Variants in TSPEAR observed in about 807,000 individuals in gnomAD.
The protein encoded by TSPEAR is thrombospondin type laminin G domain and EAR repeats.
A neutral mutation model predicts 71.6 loss-of-function variants in TSPEAR; 69 were observed. The observed-to-expected ratio is 0.96, with a 90% CI of 0.79 to 1.18. The LOEUF (loss-of-function observed/expected upper bound fraction) is 1.18. TSPEAR is among the 50% of genes most tolerant of loss of function. TSPEAR has a pLI of 0.00. For synonymous variants in TSPEAR, 402 were observed against 387.2 expected (o/e 1.04, Z -0.45); for missense variants, 971 against 894.9 (o/e 1.09, Z -1.09).
intron 1 of TSPEAR, among the ~76,000 whole-genome samples, chr21:44,665,316 G>A (rs767590841): frequency 8.0e-4 from 122 of 152,212 alleles, no homozygotes; most frequent in Non-Finnish European, 1.5e-3. Flanking sequence ...ACAGTTCTGG[G>A]CTATGCTATC....
chr21:44,512,774 C>T (rs942124720), intron 9 of TSPEAR, among the ~76,000 whole-genome samples: 9 of 151,318 alleles, frequency 5.9e-5, no homozygotes, highest in Admixed American at 3.9e-4. Context: ...AGGAAGAGCA[C>T]GTGTCAGCTG....
intron 1 of TSPEAR, among the ~76,000 whole-genome samples, chr21:44,650,070 T>C (rs1159555097): frequency 2.0e-5 from 3 of 151,974 alleles, no homozygotes; most frequent in Non-Finnish European, 2.9e-5. Context: ...GAAAATACAA[T>C]ACAATTTAGC....
At chr21:44,673,509 T>C in intron 1 of TSPEAR, among the ~76,000 whole-genome samples, 1 of 152,128 alleles carries the variant, frequency 6.6e-6, no homozygotes, top group East Asian at 1.9e-4. Flanking sequence ...CAATAATAGT[T>C]GAGGACTTCA....
chr21:44,704,326 T>C (rs1325534710), intron 1 of TSPEAR, among the ~76,000 whole-genome samples: 1 of 151,092 alleles, frequency 6.6e-6, no homozygotes, highest in Non-Finnish European at 1.5e-5. Context: ...CCCTGGCTGT[T>C]GGGGCCTGAA....
At chr21:44,525,923 A>C in intron 7 of TSPEAR, 84 bp from the exon 8 acceptor site, 3 of 1,361,098 alleles carry the variant, frequency 2.2e-6, no homozygotes, top group Non-Finnish European at 3.1e-6. Flanking sequence ...GAACATCAGC[A>C]TCTCTCTCCA....
At chr21:44,524,237 A>G (rs1057437436) in intron 8 of TSPEAR, among the ~76,000 whole-genome samples, 1 of 151,898 alleles carries the variant, frequency 6.6e-6, no homozygotes, top group African/African-American at 2.4e-5. Context: ...TCAGTCAGTG[A>G]GGTAGTCCAT....
At chr21:44,661,209 G>C (rs1960772307) in intron 1 of TSPEAR, among the ~76,000 whole-genome samples, 1 of 149,968 alleles carries the variant, frequency 6.7e-6, no homozygotes, top group African/African-American at 2.5e-5. Flanking sequence ...CAGAGGCGGA[G>C]GCGGAGCCTG....
At chr21:44,619,302 T>G (rs1429167069) in intron 1 of TSPEAR, among the ~76,000 whole-genome samples, 4 of 152,238 alleles carry the variant, frequency 2.6e-5, no homozygotes, top group African/African-American at 9.6e-5. Flanking sequence ...AAGAAACTAT[T>G]TTTAAAAACT....
intron 10 of TSPEAR, among the ~76,000 whole-genome samples, 167 bp from the exon 11 acceptor site, chr21:44,505,048 T>C (rs587630920): frequency 4.5e-4 from 69 of 152,262 alleles, no homozygotes; most frequent in Non-Finnish European, 7.2e-4. Flanking sequence ...AAAATGTAAA[T>C]TAGTTGTTTG....
chr21:44,550,641 C>T, intron 2 of TSPEAR: 1 of 1,598,644 alleles, frequency 6.3e-7, no homozygotes, highest in Non-Finnish European at 8.5e-7. Flanking sequence ...GGTCCAAGGA[C>T]TGGCAGGGAG....
chr21:44,559,222 A>G (rs587613046), intron 2 of TSPEAR, among the ~76,000 whole-genome samples: 1 of 152,316 alleles, frequency 6.6e-6, no homozygotes, highest in East Asian at 1.9e-4. Flanking sequence ...ACAAGTTTGA[A>G]GATGCTCAGT....
intron 1 of TSPEAR, among the ~76,000 whole-genome samples, chr21:44,635,111 G>A (rs782133485): frequency 3.9e-5 from 6 of 152,088 alleles, no homozygotes; most frequent in Admixed American, 6.6e-5. Flanking sequence ...TTGGGAGGCC[G>A]AGGCGGGAGG....
chr21:44,586,596 A>G (rs1321590052), intron 1 of TSPEAR, among the ~76,000 whole-genome samples: 1 of 152,106 alleles, frequency 6.6e-6, no homozygotes, highest in Non-Finnish European at 1.5e-5. Flanking sequence ...CCCTCCAAAA[A>G]AATCACACCA....
At chr21:44,624,299 G>A (rs138422613) in intron 1 of TSPEAR, among the ~76,000 whole-genome samples, 43 of 152,184 alleles carry the variant, frequency 2.8e-4, no homozygotes, top group African/African-American at 9.4e-4. Context: ...TTTGTCCTCT[G>A]GTTTTTTGAG....
chr21:44,647,968 G>A (rs968188740), intron 1 of TSPEAR, among the ~76,000 whole-genome samples: 12 of 152,332 alleles, frequency 7.9e-5, no homozygotes, highest in Admixed American at 5.2e-4. Context: ...AAGCTGAGTC[G>A]GGAAGAAGCA....
chr21:44,580,685 G>T, intron 1 of TSPEAR: 7 of 1,185,372 alleles, frequency 5.9e-6, no homozygotes, highest in Middle Eastern at 2.9e-4. Flanking sequence ...GGGCTGTGGG[G>T]CTTTTAAATC....
chr21:44,592,448 G>A (rs1569207437), intron 1 of TSPEAR: 15 of 1,611,422 alleles, frequency 9.3e-6, no homozygotes, highest in African/African-American at 1.3e-5. Flanking sequence ...CCGTAGCTCA[G>A]GTCGCTGGAG....
intron 1 of TSPEAR, among the ~76,000 whole-genome samples, chr21:44,709,647 G>A (rs1988116854): frequency 6.6e-6 from 1 of 152,228 alleles, no homozygotes; most frequent in South Asian, 2.1e-4. Context: ...CAGACTCAGG[G>A]AGCAGGATGA....
chr21:44,548,314 G>A (rs1293057213), intron 2 of TSPEAR, among the ~76,000 whole-genome samples: 2 of 152,228 alleles, frequency 1.3e-5, no homozygotes, highest in African/African-American at 4.8e-5. Context: ...GGGCAAGGGG[G>A]AGTTAAAATC....
Sources: gnomAD v4.1 joint callset for allele counts (sites outside exome capture counted in the v4.1 genomes callset) on GRCh38, gnomAD v4.1.1 for gene constraint, MANE v1.5 for transcripts, NCBI Gene and HGNC (gene_info 2026-07-23, HGNC 2026-07-21) for gene names.